The following ATXN1 variants were observed in gnomAD, a reference collection of about 807,000 sequenced individuals.
ATXN1 encodes ataxin 1.
Under a neutral mutation model 56.4 loss-of-function variants are expected in ATXN1, and 8 were observed. That is an observed-to-expected ratio of 0.14 (90% CI 0.08 to 0.26). The LOEUF is 0.26. Ranked by LOEUF, ATXN1 falls within the 10% of genes least tolerant of loss-of-function variation. The probability of loss-of-function intolerance (pLI) is 1.00; values close to 1 mark genes in which losing one functional copy is unlikely to be tolerated. For synonymous variants in ATXN1, 514 were observed against 494.6 expected, an observed-to-expected ratio of 1.04 and a Z score of -0.52; for missense variants, 987 against 1,106.5, an observed-to-expected ratio of 0.89 and a Z score of 1.53.
intron 3 of ATXN1, among the ~76,000 whole-genome samples, 151 bp from the exon 4 acceptor site, chr6:16,586,058 C>CAA (rs1263424268): frequency 6.6e-5 from 10 of 152,086 alleles, no homozygotes; most frequent in African/African-American, 2.4e-4. Flanking sequence ...CACACACACA[C>CAA]ACACACACAA....
chr6:16,634,390 T>C (rs543368331), intron 3 of ATXN1, among the ~76,000 whole-genome samples: 2 of 152,332 alleles, frequency 1.3e-5, no homozygotes, highest in East Asian at 3.9e-4. Context: ...CCTCATAGGG[T>C]TGTTTCTGAG....
At chr6:16,387,937 T>C (rs544662168) in intron 6 of ATXN1, among the ~76,000 whole-genome samples, 1 of 152,238 alleles carries the variant, frequency 6.6e-6, no homozygotes, top group South Asian at 2.1e-4. Context: ...TTTTTAAAAC[T>C]CCCAATTGCA....
At chr6:16,661,260 G>T (rs2113366402) in intron 2 of ATXN1, among the ~76,000 whole-genome samples, 1 of 152,002 alleles carries the variant, frequency 6.6e-6, no homozygotes, top group South Asian at 2.1e-4. Context: ...ATATAAACAT[G>T]TGTTTATACA....
At chr6:16,387,225 G>C (rs557945426) in intron 6 of ATXN1, among the ~76,000 whole-genome samples, 2 of 152,060 alleles carry the variant, frequency 1.3e-5, no homozygotes, top group Non-Finnish European at 2.9e-5. Context: ...ATGAGAACCC[G>C]GATGAAGTAG....
chr6:16,614,735 G>A (rs981613770), intron 3 of ATXN1, among the ~76,000 whole-genome samples: 4 of 151,436 alleles, frequency 2.6e-5, no homozygotes, highest in South Asian at 2.1e-4. Context: ...CCAGCCTGGC[G>A]AACATGGTGA....
chr6:16,549,043 C>G (rs1201989530), intron 4 of ATXN1, among the ~76,000 whole-genome samples: 6 of 152,206 alleles, frequency 3.9e-5, no homozygotes, highest in Admixed American at 3.9e-4. Flanking sequence ...TCTTGTCCCA[C>G]TGAGAGGTCT....
chr6:16,348,686 ACT>A (rs1267581610), intron 6 of ATXN1, among the ~76,000 whole-genome samples: 1 of 151,398 alleles, frequency 6.6e-6, no homozygotes, highest in African/African-American at 2.4e-5. Context: ...CAGGAGTGAA[ACT>A]CTGCCTTAGA....
chr6:16,610,254 AAACCAACCAACC>A (rs141382992), intron 3 of ATXN1, among the ~76,000 whole-genome samples: 1 of 151,562 alleles, frequency 6.6e-6, no homozygotes, highest in African/African-American at 2.4e-5. Flanking sequence ...AATACAGAGT[AAACCAACCAACC>A]AACCAACCAA....
At chr6:16,521,405 A>G (rs558607782) in intron 5 of ATXN1, among the ~76,000 whole-genome samples, 5 of 152,290 alleles carry the variant, frequency 3.3e-5, no homozygotes, top group African/African-American at 1.2e-4. Flanking sequence ...AAAAATACAA[A>G]AAATTAGCCA....
intron 6 of ATXN1, among the ~76,000 whole-genome samples, chr6:16,425,324 T>C (rs1759127807): frequency 6.6e-6 from 1 of 152,250 alleles, no homozygotes; most frequent in African/African-American, 2.4e-5. Context: ...CTCACCCACG[T>C]GTATTACTTT....
chr6:16,717,224 T>C (rs974877973), intron 2 of ATXN1, among the ~76,000 whole-genome samples: 1 of 152,254 alleles, frequency 6.6e-6, no homozygotes, highest in African/African-American at 2.4e-5. Flanking sequence ...AAAGTCTATG[T>C]AGGCAATGCC....
intron 4 of ATXN1, among the ~76,000 whole-genome samples, chr6:16,558,324 A>G (rs1022217805): frequency 1.2e-4 from 18 of 151,684 alleles, no homozygotes; most frequent in Non-Finnish European, 2.5e-4. Context: ...AAAAAGAAAA[A>G]AAAAAGGTAA....
At chr6:16,357,517 A>G (rs1359361132) in intron 6 of ATXN1, among the ~76,000 whole-genome samples, 1 of 152,062 alleles carries the variant, frequency 6.6e-6, no homozygotes, top group African/African-American at 2.4e-5. Flanking sequence ...TGATCCACCC[A>G]CATCGGCCTC....
At chr6:16,675,438 C>T (rs956683332) in intron 2 of ATXN1, among the ~76,000 whole-genome samples, 1 of 152,166 alleles carries the variant, frequency 6.6e-6, no homozygotes, top group Non-Finnish European at 1.5e-5. Context: ...CCCTTTCCCC[C>T]TTTCAGATAT....
chr6:16,409,246 G>A (rs1189771463), intron 6 of ATXN1, among the ~76,000 whole-genome samples: 2 of 151,854 alleles, frequency 1.3e-5, no homozygotes, highest in African/African-American at 4.8e-5. Context: ...ACCCCGAGAA[G>A]CTGCTCTGTT....
intron 2 of ATXN1, among the ~76,000 whole-genome samples, chr6:16,664,881 A>G (rs975681418): frequency 2.0e-5 from 3 of 152,284 alleles, no homozygotes; most frequent in South Asian, 4.1e-4. Context: ...GAAAAATGTA[A>G]AATATTCATT....
intron 6 of ATXN1, among the ~76,000 whole-genome samples, chr6:16,422,047 GT>G (rs34554293): frequency 0.011 from 1,645 of 148,120 alleles, 20 homozygotes; most frequent in Middle Eastern, 0.034. Flanking sequence ...GTATATAAGG[GT>G]TTTTTTTTTT....
intron 2 of ATXN1, chr6:16,736,869 A>G (rs1760152440): frequency 6.6e-6 from 1 of 152,226 alleles, no homozygotes; most frequent in South Asian, 2.1e-4. Flanking sequence ...TCAAAATGCA[A>G]TGTTATTTAG....
chr6:16,429,009 G>C (rs1683985441), intron 6 of ATXN1, among the ~76,000 whole-genome samples: 1 of 151,828 alleles, frequency 6.6e-6, no homozygotes, highest in Non-Finnish European at 1.5e-5. Context: ...GTAAGGTTTG[G>C]TTGGGACATA....
Sources: gnomAD v4.1 joint callset for allele counts (sites outside exome capture counted in the v4.1 genomes callset) on GRCh38, gnomAD v4.1.1 for gene constraint, MANE v1.5 for transcripts, NCBI Gene and HGNC (gene_info 2026-07-23, HGNC 2026-07-21) for gene names.